The following DLG2 variants were observed in gnomAD, a reference collection of about 807,000 sequenced individuals.
DLG2 encodes the protein discs large MAGUK scaffold protein 2.
Under a neutral mutation model 132.5 loss-of-function variants are expected in DLG2, and 45 were observed. The ratio of observed to expected loss-of-function variants is 0.34; its 90% confidence interval spans 0.27 to 0.44. The LOEUF is 0.44. Among genes scored for constraint, DLG2 ranks in the 20% least tolerant of loss-of-function variants. The pLI is 1.00. For synonymous variants in DLG2, 424 were observed against 419.6 expected (o/e 1.01, Z -0.13); for missense variants, 1,045 against 1,196.9 (o/e 0.87, Z 1.87).
At chr11:84,735,081 A>G (rs1044770680) in intron 6 of DLG2, among the ~76,000 whole-genome samples, 9 of 151,950 alleles carry the variant, frequency 5.9e-5, no homozygotes, top group African/African-American at 9.7e-5. Context: ...TTCATCAGGG[A>G]TATTGGTCTA....
At chr11:83,669,964 T>C (rs903339726) in intron 18 of DLG2, among the ~76,000 whole-genome samples, 2 of 152,240 alleles carry the variant, frequency 1.3e-5, no homozygotes, top group African/African-American at 4.8e-5. Flanking sequence ...GGTGAAAAGA[T>C]GATTATCTGA....
chr11:85,140,690 A>G (rs545119766), intron 5 of DLG2, among the ~76,000 whole-genome samples: 65 of 151,548 alleles, frequency 4.3e-4, no homozygotes, highest in Non-Finnish European at 7.7e-4. Context: ...ATCTAACTAT[A>G]CTTTTATATA....
At chr11:83,976,596 GA>G (rs2092259600) in intron 12 of DLG2, among the ~76,000 whole-genome samples, 1 of 151,852 alleles carries the variant, frequency 6.6e-6, no homozygotes, top group African/African-American at 2.4e-5. Flanking sequence ...TGGCTTCAGT[GA>G]TTTTGTCTTT....
At chr11:85,313,782 T>A (rs986292562) in intron 3 of DLG2, among the ~76,000 whole-genome samples, 2 of 152,016 alleles carry the variant, frequency 1.3e-5, no homozygotes, top group Non-Finnish European at 2.9e-5. Flanking sequence ...TCTTTTTTTT[T>A]ATTCAGCAGT....
intron 8 of DLG2, among the ~76,000 whole-genome samples, chr11:84,205,720 C>T (rs1454361613): frequency 6.6e-6 from 1 of 151,852 alleles, no homozygotes; most frequent in Non-Finnish European, 1.5e-5. Flanking sequence ...AATTCATTGC[C>T]TTAAATGCTT....
chr11:84,217,577 C>A (rs1448552750), intron 8 of DLG2, among the ~76,000 whole-genome samples: 3 of 152,092 alleles, frequency 2.0e-5, no homozygotes, highest in African/African-American at 7.2e-5. Flanking sequence ...CTAATACAAC[C>A]ATCAATAGCA....
intron 6 of DLG2, among the ~76,000 whole-genome samples, chr11:84,910,370 A>T (rs1398672633): frequency 6.6e-6 from 1 of 152,110 alleles, no homozygotes; most frequent in African/African-American, 2.4e-5. Flanking sequence ...CATTACCTGA[A>T]TTTTTTTCTT....
intron 4 of DLG2, among the ~76,000 whole-genome samples, chr11:85,231,400 A>C (rs2075293020): frequency 6.6e-6 from 1 of 151,974 alleles, no homozygotes; most frequent in African/African-American, 2.4e-5. Flanking sequence ...TAACTACTTC[A>C]TTCTTTTTTA....
At chr11:83,487,181 C>T (rs1051075225) in intron 21 of DLG2, among the ~76,000 whole-genome samples, 1 of 151,982 alleles carries the variant, frequency 6.6e-6, no homozygotes, top group Non-Finnish European at 1.5e-5. Context: ...AGATCCATTG[C>T]TTTCATAGCA....
At chr11:84,839,507 T>C (rs2080302793) in intron 6 of DLG2, among the ~76,000 whole-genome samples, 1 of 152,062 alleles carries the variant, frequency 6.6e-6, no homozygotes, top group African/African-American at 2.4e-5. Context: ...AAAGTTCATA[T>C]GGAACCAAAA....
intron 6 of DLG2, among the ~76,000 whole-genome samples, chr11:84,668,224 A>C (rs1245585052): frequency 6.6e-6 from 1 of 152,100 alleles, no homozygotes; most frequent in Non-Finnish European, 1.5e-5. Flanking sequence ...TTCTGAGTCT[A>C]TACTTCTATA....
At chr11:83,836,181 C>A (rs895491345) in intron 16 of DLG2, among the ~76,000 whole-genome samples, 1 of 152,138 alleles carries the variant, frequency 6.6e-6, no homozygotes, top group African/African-American at 2.4e-5. Flanking sequence ...TCTATTCAGG[C>A]CTTCAGTGGA....
chr11:84,624,889 G>A (rs2099619841), intron 6 of DLG2, among the ~76,000 whole-genome samples: 1 of 63,232 alleles, frequency 1.6e-5, no homozygotes, highest in Admixed American at 1.6e-4. Context: ...ACGGAGTCTC[G>A]CTCTGTCGCC....
intron 7 of DLG2, among the ~76,000 whole-genome samples, chr11:84,507,719 A>T (rs1301015804): frequency 2.6e-5 from 4 of 152,206 alleles, no homozygotes. Context: ...TTCTATGTCT[A>T]TTGAGATGAT....
chr11:83,863,310 T>A (rs546453765), intron 16 of DLG2, among the ~76,000 whole-genome samples: 1 of 152,238 alleles, frequency 6.6e-6, no homozygotes, highest in South Asian at 2.1e-4. Context: ...AAGAAATCAG[T>A]TTTGGGGGGT....
At chr11:84,017,319 G>A (rs1041696775) in intron 11 of DLG2, among the ~76,000 whole-genome samples, 2 of 151,866 alleles carry the variant, frequency 1.3e-5, no homozygotes, top group African/African-American at 4.8e-5. Flanking sequence ...CAAATAAAGA[G>A]AAGAATAAAA....
At chr11:84,214,280 TGA>T in intron 8 of DLG2, among the ~76,000 whole-genome samples, 1 of 145,236 alleles carries the variant, frequency 6.9e-6, no homozygotes, top group African/African-American at 2.6e-5. Context: ...TACACATATA[TGA>T]ATATATATAT....
intron 17 of DLG2, among the ~76,000 whole-genome samples, chr11:83,787,839 T>G (rs886223771): frequency 5.3e-5 from 8 of 152,156 alleles, no homozygotes; most frequent in Non-Finnish European, 1.2e-4. Context: ...AAGAAAATGC[T>G]AAAATTTTTC....
chr11:84,988,905 G>A (rs925088259), intron 6 of DLG2, among the ~76,000 whole-genome samples: 24 of 151,884 alleles, frequency 1.6e-4, no homozygotes, highest in Non-Finnish European at 3.2e-4. Context: ...AGATCAGAAA[G>A]AAAGAAAGAA....
Sources: gnomAD v4.1 joint callset for allele counts (sites outside exome capture counted in the v4.1 genomes callset) on GRCh38, gnomAD v4.1.1 for gene constraint, MANE v1.5 for transcripts, NCBI Gene and HGNC (gene_info 2026-07-23, HGNC 2026-07-21) for gene names.